Variants in CACNA2D2 observed in about 807,000 individuals in gnomAD.
The protein encoded by CACNA2D2 is calcium voltage-gated channel auxiliary subunit alpha2delta 2.
CACNA2D2 carries 48 observed loss-of-function variants against 166.4 expected under a neutral mutation model. The observed-to-expected ratio is 0.29, with a 90% CI of 0.23 to 0.37. The LOEUF (loss-of-function observed/expected upper bound fraction) is 0.37, where lower values mean the gene tolerates loss of function less well. Ranked by LOEUF, CACNA2D2 falls within the 10% of genes least tolerant of loss-of-function variation. The probability of loss-of-function intolerance (pLI) is 1.00; values close to 1 mark genes in which losing one functional copy is unlikely to be tolerated. For synonymous variants in CACNA2D2, 561 were observed against 573.7 expected, an observed-to-expected ratio of 0.98 and a Z score of 0.32; for missense variants, 1,122 against 1,433.0, an observed-to-expected ratio of 0.78 and a Z score of 3.50.
At position 50,367,428 on chromosome 3, in the gene CACNA2D2, G is replaced by C. The variant is rs767188399; in HGVS notation, c.2367C>G (p.Asn789Lys). Residue 789 changes from asparagine to lysine, a missense_variant, in exon 27 of 38, where the codon AAC becomes AAG. Coordinates refer to ENST00000424201, the MANE Select transcript of CACNA2D2 (RefSeq NM_006030.4). This position sits in a 1 kb window ranked among gnomAD's most constrained non-coding sequence, Gnocchi z 6.5. ...GTGGGGGCTTGAAGACATAACCGTG[G>C]TTATCCAGGCTGCGGCGGTAGAAGC... ...NASFYRRSLD[N>K]HGYVFKPPHQ... 6 of 1,613,772 alleles carry C rather than the reference G, an allele frequency of 3.7e-6. No homozygotes were observed. The highest frequency in any genetic ancestry group is 4.5e-5 in the East Asian group (2 of 44,896).
intron 23 of CACNA2D2, 33 bp from the exon 24 acceptor site, chr3:50,368,268 T>TG (rs1320378964): frequency 2.9e-6 from 4 of 1,372,970 alleles, no homozygotes; most frequent in African/African-American, 1.4e-5. Flanking sequence ...AGAGTGGGCT[T>TG]GGGGGGCTGG....
At chr3:50,445,582 G>A (rs1004066294) in intron 2 of CACNA2D2, among the ~76,000 whole-genome samples, 3 of 152,050 alleles carry the variant, frequency 2.0e-5, no homozygotes, top group African/African-American at 7.2e-5. Context: ...AGAACAAGTC[G>A]GAAGCATAAA....
intron 3 of CACNA2D2, among the ~76,000 whole-genome samples, chr3:50,424,194 T>C (rs1707701511): frequency 6.6e-6 from 1 of 152,320 alleles, no homozygotes; most frequent in Middle Eastern, 3.4e-3. Context: ...CTACCTTCTA[T>C]GCTCTGGTTC....
intron 1 of CACNA2D2, among the ~76,000 whole-genome samples, chr3:50,493,419 C>T (rs1006720467): frequency 9.9e-5 from 15 of 152,212 alleles, no homozygotes; most frequent in African/African-American, 3.4e-4. Context: ...CCAGAGGAGA[C>T]ATCTCTTCCA....
At chr3:50,369,740 C>T (rs777939825) in intron 23 of CACNA2D2, among the ~76,000 whole-genome samples, 3 of 152,202 alleles carry the variant, frequency 2.0e-5, no homozygotes, top group Non-Finnish European at 4.4e-5. Flanking sequence ...GCGTGCACTC[C>T]GGGATGGTCC....
At chr3:50,371,848 G>A (rs1037424085) in intron 22 of CACNA2D2, among the ~76,000 whole-genome samples, 1 of 152,142 alleles carries the variant, frequency 6.6e-6, no homozygotes, top group African/African-American at 2.4e-5. Context: ...CTAGGGCCCT[G>A]CATTTCTGGG....
intron 3 of CACNA2D2, among the ~76,000 whole-genome samples, chr3:50,412,803 G>A (rs1262692176): frequency 6.6e-6 from 1 of 152,228 alleles, no homozygotes; most frequent in African/African-American, 2.4e-5. Flanking sequence ...CCTATTTAAT[G>A]GAAGGATGTC....
chr3:50,485,275 A>G (rs929902313), intron 1 of CACNA2D2, among the ~76,000 whole-genome samples: 1 of 151,676 alleles, frequency 6.6e-6, no homozygotes, highest in East Asian at 1.9e-4. Context: ...TGGTTCCCGG[A>G]GCCAGACTCC....
intron 17 of CACNA2D2, 133 bp downstream of exon 17, chr3:50,377,334 T>A: frequency 1.4e-6 from 1 of 703,350 alleles, no homozygotes; most frequent in Non-Finnish European, 2.4e-6. Flanking sequence ...GGTCACCTCC[T>A]GGGGAAGCCT....
intron 1 of CACNA2D2, among the ~76,000 whole-genome samples, chr3:50,477,656 C>T (rs974738850): frequency 6.6e-6 from 1 of 152,184 alleles, no homozygotes; most frequent in Non-Finnish European, 1.5e-5. Flanking sequence ...AAGACCTTTC[C>T]AGGAAGGGCG....
intron 3 of CACNA2D2, among the ~76,000 whole-genome samples, chr3:50,413,745 G>A (rs1183194423): frequency 6.6e-6 from 1 of 152,208 alleles, no homozygotes; most frequent in African/African-American, 2.4e-5. Flanking sequence ...TACTTGGGAG[G>A]ATGAGGCAGG....
intron 2 of CACNA2D2, among the ~76,000 whole-genome samples, chr3:50,441,114 G>A (rs1348870467): frequency 6.6e-6 from 1 of 152,054 alleles, no homozygotes; most frequent in Non-Finnish European, 1.5e-5. Context: ...TACCCAGGTG[G>A]TGGGGACAGG....
intron 3 of CACNA2D2, among the ~76,000 whole-genome samples, chr3:50,400,457 C>A (rs1285138645): frequency 6.6e-6 from 1 of 152,266 alleles, no homozygotes; most frequent in African/African-American, 2.4e-5. Flanking sequence ...ACATGCATGA[C>A]GGCCACCTCA....
chr3:50,387,745 C>G, intron 4 of CACNA2D2, 133 bp from the exon 5 acceptor site: 2 of 715,590 alleles, frequency 2.8e-6, no homozygotes, highest in Non-Finnish European at 4.7e-6. Flanking sequence ...CACCCAGAGC[C>G]CCCCTCCTGG....
intron 1 of CACNA2D2, among the ~76,000 whole-genome samples, chr3:50,485,758 AGGCT>A (rs1698253438): frequency 6.6e-6 from 1 of 152,242 alleles, no homozygotes; most frequent in African/African-American, 2.4e-5. Flanking sequence ...CTGGTAACTG[AGGCT>A]CAGGGGTCGC....
At chr3:50,486,196 A>G (rs999155496) in intron 1 of CACNA2D2, among the ~76,000 whole-genome samples, 2 of 152,194 alleles carry the variant, frequency 1.3e-5, no homozygotes, top group African/African-American at 4.8e-5. Context: ...GCCTCACCTC[A>G]GAGAGCACAG....
chr3:50,485,984 A>C (rs1021552306), intron 1 of CACNA2D2, among the ~76,000 whole-genome samples: 1 of 152,086 alleles, frequency 6.6e-6, no homozygotes, highest in Non-Finnish European at 1.5e-5. Flanking sequence ...ACTGACACAG[A>C]CTATGGGCAT....
At chr3:50,477,140 A>C (rs1293554158) in intron 1 of CACNA2D2, among the ~76,000 whole-genome samples, 1 of 151,914 alleles carries the variant, frequency 6.6e-6, no homozygotes, top group African/African-American at 2.4e-5. Context: ...TGTGTTAGCC[A>C]GGATGGTCTC....
intron 1 of CACNA2D2, among the ~76,000 whole-genome samples, chr3:50,501,920 G>C (rs982074436): frequency 6.6e-6 from 1 of 151,992 alleles, no homozygotes. Context: ...GGTTGACAGA[G>C]GACACGTCCG....
Sources: allele counts gnomAD v4.1 joint callset (sites outside exome capture counted in the v4.1 genomes callset), GRCh38; gene constraint gnomAD v4.1.1; non-coding constraint Gnocchi (gnomAD v3.1); transcripts MANE v1.5; gene names NCBI Gene and HGNC (gene_info 2026-07-23, HGNC 2026-07-21).